DDX55: variants seen among roughly 807,000 people sequenced by gnomAD.
DDX55 encodes ATP-dependent RNA helicase DDX55.
A neutral mutation model predicts 69.2 loss-of-function variants in DDX55; 56 were observed. The observed-to-expected ratio is 0.81, with a 90% CI of 0.65 to 1.01. The LOEUF is 1.01. Among genes scored for constraint, DDX55 ranks in the 50% least tolerant of loss-of-function variants. The pLI is 0.00. For missense variants in DDX55, 720 were observed against 745.1 expected, an observed-to-expected ratio of 0.97 and a Z score of 0.39; for synonymous variants, 268 against 273.1, an observed-to-expected ratio of 0.98 and a Z score of 0.18.
chr12:123,616,759 G>C, intron 10 of DDX55, 156 bp downstream of exon 10: 1 of 749,910 alleles, frequency 1.3e-6, no homozygotes, highest in Non-Finnish European at 2.3e-6. Context: ...GATTCCTACA[G>C]GGCTTGCCAG....
intron 10 of DDX55, chr12:123,616,853 AAAC>A (rs899158685): frequency 2.0e-5 from 9 of 455,506 alleles, no homozygotes; most frequent in East Asian, 1.7e-4. Context: ...AGAAAACAAA[AAAC>A]AACAACATTA....
intron 2 of DDX55, 43 bp from the exon 3 acceptor site, chr12:123,606,030 G>C (rs774855791): frequency 1.3e-5 from 20 of 1,599,454 alleles, no homozygotes; most frequent in Non-Finnish European, 1.6e-5. Flanking sequence ...TCCCTCAGAT[G>C]AACTCTGAGG....
Position 123,619,743 on chromosome 12 carries a change from T to A in DDX55, c.1626+19T>A, listed in dbSNP as rs943039320. The A allele has an allele frequency of 6.4e-7, 1 of 1,555,468 alleles. No homozygotes were observed. Among genetic ancestry groups the A allele is most frequent in the Non-Finnish European group, 8.6e-7 (1 of 1,163,812 alleles). Reference sequence around the variant, plus strand: ...GGAAGAGGTAAAGTTTACTTTTACTTACATTAACTTAGAATCTTGAACAAA... The same window carrying A: ...GGAAGAGGTAAAGTTTACTTTTACTAACATTAACTTAGAATCTTGAACAAA... On this transcript the variant is annotated intron_variant, in intron 13 of 13. Coordinates refer to ENST00000238146, the MANE Select transcript of DDX55 (RefSeq NM_020936.3).
rs933735075 is a variant in DDX55, at chr12:123,602,169, C to T, written c.21C>T (p.Gly7=). The change falls in exon 1 of 14, where the codon GGC becomes GGT. Residue 7 remains glycine (G), a synonymous_variant. Transcript: ENST00000238146. MEHVTE[G]SWESLPVPLH... The stretch of plus-strand genomic sequence containing the variant: ...GCGCCATGGAGCATGTGACAGAGGG[C>T]TCCTGGGAGTCGCTGCCTGTGCCGC... 2.6e-6 allele frequency: 4 copies of T among 1,561,094 alleles called. No homozygotes were observed. In the Admixed American group the frequency reaches 5.7e-5, roughly 22 times the overall value.
At chr12:123,609,792 C>A in intron 6 of DDX55, 147 bp from the exon 7 acceptor site, 1 of 914,730 alleles carries the variant, frequency 1.1e-6, no homozygotes, top group South Asian at 2.1e-5. Context: ...AAAGAATCAC[C>A]TATAATCTCA....
intron 12 of DDX55, 57 bp downstream of exon 12, chr12:123,618,894 C>A (rs1212822858): frequency 2.5e-6 from 4 of 1,586,710 alleles, no homozygotes; most frequent in African/African-American, 2.7e-5. Context: ...GGTGGTCTTA[C>A]AAGTATGAGA....
In DDX55 at chr12:123,609,976, A is replaced by G. The variant is rs1954111845; in HGVS notation, c.589A>G (p.Arg197Gly). ...TILEFLPKQR[R>G]TGLFSATQTQ... ...TCTGGAGTTTTTGCCAAAGCAGAGG[A>G]GAACAGGCCTTTTCTCTGCCACTCA... The change falls in exon 7 of 14, where the codon AGA becomes GGA. Residue 197 changes from arginine to glycine, a missense_variant. Arg to Gly is a moderately radical substitution (Grantham distance 125, BLOSUM62 -2). Transcript: ENST00000238146. 1 of 1,613,998 alleles carries G rather than the reference A, an allele frequency of 6.2e-7. No individual in the cohort carries two copies.
chr12:123,608,543 T>G, intron 5 of DDX55, 137 bp from the exon 6 acceptor site: 1 of 1,053,276 alleles, frequency 9.5e-7, no homozygotes, highest in Non-Finnish European at 1.4e-6. Flanking sequence ...TGCAGCACTC[T>G]TCTACTCTCA....
intron 9 of DDX55, 35 bp from the exon 10 acceptor site, chr12:123,616,476 C>T (rs962682498): frequency 1.2e-6 from 2 of 1,600,380 alleles, no homozygotes; most frequent in African/African-American, 2.7e-5. Flanking sequence ...AGATGGTGGC[C>T]TCCTTACTCA....
chr12:123,613,252 G>A lies in DDX55; in HGVS notation c.824G>A (p.Ser275Asn). 6.2e-7 allele frequency: 1 copy of A among 1,614,002 alleles called. No individual in the cohort carries two copies. The highest frequency in any genetic ancestry group is 8.5e-7 in the Non-Finnish European group (1 of 1,179,986). ...CAGGAGAAACACCTGGTCTTCTTCA[G>A]GTACTCCTCTGGTCTCTGTGGTAGA... ...HKQEKHLVFFSTCACVEYYGK... is the reference protein window; with the variant it reads ...HKQEKHLVFFNTCACVEYYGK... Residue 275 changes from serine to asparagine, a missense_variant and splice_region_variant, in exon 8 of 14, where the codon AGC becomes AAC. By Grantham distance (46) the Ser-to-Asn change is conservative. Transcript: ENST00000238146.
At chr12:123,617,288 C>G (rs1262448510) in intron 10 of DDX55, among the ~76,000 whole-genome samples, 5 of 152,184 alleles carry the variant, frequency 3.3e-5, no homozygotes, top group Non-Finnish European at 7.4e-5. Flanking sequence ...AATAGAATGT[C>G]TAAATGAAAA....
chr12:123,610,132 A>G lies in DDX55; in HGVS notation c.741+4A>G. 6.2e-7 allele frequency: 1 copy of G among 1,612,242 alleles called. No individual in the cohort carries two copies. Among genetic ancestry groups the G allele is most frequent in the Non-Finnish European group, 8.5e-7 (1 of 1,179,410 alleles). ...CCGCCTGGAAAACTACTACATGGTA[A>G]GCGCCTGGGCTTGCTTCTTACTCAG... On this transcript the variant is annotated splice_donor_region_variant and intron_variant, in intron 7 of 13. Transcript: ENST00000238146.
At chr12:123,613,692 C>G (rs1435888056) in intron 8 of DDX55, among the ~76,000 whole-genome samples, 2 of 152,248 alleles carry the variant, frequency 1.3e-5, no homozygotes, top group African/African-American at 4.8e-5. Flanking sequence ...CCCTAGTTGA[C>G]TTCAGCTGTG....
At chr12:123,610,380 T>C (rs1954138812) in intron 7 of DDX55, among the ~76,000 whole-genome samples, 1 of 152,100 alleles carries the variant, frequency 6.6e-6, no homozygotes, top group African/African-American at 2.4e-5. Context: ...GACCAAATGT[T>C]TCTATTGTAC....
At position 123,602,213 on chromosome 12, in the gene DDX55, G is replaced by T; in HGVS notation, c.65G>T (p.Gly22Val). 1.3e-6 allele frequency: 2 copies of T among 1,573,014 alleles called. No individual in the cohort carries two copies. The highest frequency in any genetic ancestry group is 1.8e-5 in the Admixed American group (1 of 54,624). The change falls in exon 1 of 14, where the codon GGC (glycine) becomes GTC (valine). Residue 22 changes from glycine (G) to valine (V), a missense_variant. Gly to Val is a moderately radical substitution (Grantham distance 109). Coordinates refer to ENST00000238146, the MANE Select transcript of DDX55 (RefSeq NM_020936.3). ...LPVPLHPQVL[G>V]ALRELGFPYM... ...GTGCCGCTGCACCCGCAGGTGCTGG[G>T]CGCGCTGCGGGAGCTGGGCTTCCCG...
At chr12:123,619,752 T>C in intron 13 of DDX55, 28 bp downstream of exon 13, 2 of 1,550,028 alleles carry the variant, frequency 1.3e-6, no homozygotes, top group Non-Finnish European at 1.7e-6. Context: ...TTACATTAAC[T>C]TAGAATCTTG....
At chr12:123,616,782 A>C in intron 10 of DDX55, 179 bp downstream of exon 10, 1 of 678,220 alleles carries the variant, frequency 1.5e-6, no homozygotes, top group Non-Finnish European at 2.6e-6. Flanking sequence ...CAGTTTTGAA[A>C]TGGTTTGAGG....
At chr12:123,602,842 T>G (rs959055379) in intron 1 of DDX55, among the ~76,000 whole-genome samples, 3 of 152,116 alleles carry the variant, frequency 2.0e-5, no homozygotes. Context: ...CTAAGACGGT[T>G]GTGATAGTGT....
intron 7 of DDX55, 27 bp from the exon 8 acceptor site, chr12:123,613,143 T>G: frequency 6.2e-7 from 1 of 1,611,400 alleles, no homozygotes. Flanking sequence ...AATATGTTTT[T>G]TATTAGTTTC....
Sources: allele counts gnomAD v4.1 joint callset (sites outside exome capture counted in the v4.1 genomes callset), GRCh38; gene constraint gnomAD v4.1.1; transcripts MANE v1.5; gene names NCBI Gene and HGNC (gene_info 2026-07-23, HGNC 2026-07-21).